ARHGEF10: variants seen among roughly 807,000 people sequenced by gnomAD.
ARHGEF10 encodes the protein Rho guanine nucleotide exchange factor 10, also known as Rho guanine nucleotide exchange factor (GEF) 10.
Under a neutral mutation model 147.4 loss-of-function variants are expected in ARHGEF10, and 140 were observed. The ratio of observed to expected loss-of-function variants is 0.95; its 90% CI spans 0.83 to 1.09. ARHGEF10 has a LOEUF of 1.09. Ranked by LOEUF, ARHGEF10 falls within the 50% of genes least tolerant of loss-of-function variation. ARHGEF10 has a pLI of 0.00. For synonymous variants in ARHGEF10, 902 were observed against 695.8 expected (o/e 1.30, Z -4.67); for missense variants, 2,222 against 1,752.7 (o/e 1.27, Z -4.78).
At chr8:1,885,226 G>C (rs974249084) in intron 10 of ARHGEF10, among the ~76,000 whole-genome samples, 1 of 152,178 alleles carries the variant, frequency 6.6e-6, no homozygotes, top group African/African-American at 2.4e-5. Flanking sequence ...ATTCTTAGCT[G>C]TGTTTCCTTG....
Position 1,875,272 on chromosome 8 carries a change from C to T in ARHGEF10, c.680-1299C>T, listed in dbSNP as rs182331403. ...CCAGGGCGTGTAGGGGGTGGAGGTT[C>T]TAAGACAGGCTGGAGGAACAGTGGA... is the stretch of plus-strand genomic sequence containing the variant. On this transcript the variant is annotated intron_variant, in intron 7 of 28. Coordinates refer to ENST00000349830, the MANE Select transcript of ARHGEF10 (RefSeq NM_014629.4). 6.7e-4 allele frequency among the ~76,000 whole-genome samples: 101 copies of T among 151,804 alleles called. No individual in the cohort carries two copies. The East Asian group carries it at 0.014, about 21-fold the overall frequency.
At position 1,823,974 on chromosome 8, in the gene ARHGEF10, A is replaced by G. The variant is rs1176617329; in HGVS notation, c.-187A>G. 8.5e-6 allele frequency: 1 copy of G among 118,112 alleles called. No individual in the cohort carries two copies. Among genetic ancestry groups the G allele is most frequent in the Non-Finnish European group, 1.7e-5 (1 of 58,250 alleles). The allele number at this position is 118,112 out of a possible 1,614,324, so 7.3% of individuals were successfully genotyped here. A position where few individuals can be genotyped will look rare whatever the true frequency, so the allele number is the denominator to read the frequency against. On this transcript the variant is annotated 5_prime_UTR_variant, in exon 1 of 29. Transcript: ENST00000349830. ...CCGGCGGGCGCGCGATCCGGGACGG[A>G]CGGGGTCGCGGGGGACGCGGGGGAC...
Position 1,909,294 on chromosome 8 carries a change from G to C in ARHGEF10, c.1968-1G>C, listed in dbSNP as rs1554502711. ...AAACAAGGATCTTTTGGTCGTTTCA[G>C]CCCCTCTCATGACAGCCGTGTGATG... On this transcript the variant is annotated splice_acceptor_variant, in intron 17 of 28. Coordinates refer to ENST00000349830, the MANE Select transcript of ARHGEF10 (RefSeq NM_014629.4). LOFTEE classifies it high-confidence loss of function. 6.2e-7 allele frequency: 1 copy of C among 1,614,226 alleles called. No homozygotes were observed. The highest frequency in any genetic ancestry group is 8.5e-7 in the Non-Finnish European group (1 of 1,180,036).
chr8:1,909,198 C>G, intron 17 of ARHGEF10, 97 bp from the exon 18 acceptor site: 5 of 1,496,794 alleles, frequency 3.3e-6, no homozygotes, highest in Non-Finnish European at 4.6e-6. Context: ...TACAATTCAG[C>G]AGTGGGAAGT....
At chr8:1,902,079 C>G (rs1452453149) in intron 15 of ARHGEF10, among the ~76,000 whole-genome samples, 1 of 152,174 alleles carries the variant, frequency 6.6e-6, no homozygotes, top group Admixed American at 6.5e-5. Context: ...GCTGCTGCAC[C>G]TAGCAACCCG....
intron 8 of ARHGEF10, 83 bp from the exon 9 acceptor site, chr8:1,879,965 G>T: frequency 1.0e-6 from 1 of 984,208 alleles, no homozygotes; most frequent in Non-Finnish European, 1.7e-6. Context: ...TGCAGACGCT[G>T]CCAGCATCCT....
chr8:1,955,200 AT>A (rs1157974115), intron 28 of ARHGEF10, among the ~76,000 whole-genome samples: 10 of 135,454 alleles, frequency 7.4e-5, no homozygotes, highest in Middle Eastern at 3.7e-3. Flanking sequence ...GTTTCTCTGG[AT>A]GGGTAGCCAG....
At chr8:1,885,756 A>G in intron 11 of ARHGEF10, 49 bp downstream of exon 11, 1 of 1,399,866 alleles carries the variant, frequency 7.1e-7, no homozygotes, top group Non-Finnish European at 1.0e-6. Flanking sequence ...GAGCTGTGCT[A>G]GTTTTTAAAT....
intron 11 of ARHGEF10, 49 bp from the exon 12 acceptor site, chr8:1,893,520 G>A (rs769484353): frequency 8.3e-7 from 1 of 1,210,190 alleles, no homozygotes; most frequent in East Asian, 2.3e-5. Context: ...ATGTATCTGT[G>A]TGTATTATAA....
chr8:1,933,909 CT>C lies in ARHGEF10; in HGVS notation c.3191del (p.Phe1064SerfsTer10), dbSNP rs1813356366. ...TGTGGGCGGCTTCCGGAGGTCAAGT[CT>C]TCATCATCAGTGTGGAGACTCATGC... Reference protein sequence around the residue: ...TLWAASGGQVFIISVETHAVE... With the variant: ...TLWAASGGQVXIISVETHAVE... On this transcript the variant is annotated frameshift_variant, in exon 26 of 29. Coordinates refer to ENST00000349830, the MANE Select transcript of ARHGEF10 (RefSeq NM_014629.4). LOFTEE classifies it high-confidence loss of function. 1 of 1,614,058 alleles carries C rather than the reference CT, an allele frequency of 6.2e-7. No individual in the cohort carries two copies. Among genetic ancestry groups the C allele is most frequent in the Admixed American group, 1.7e-5 (1 of 60,002 alleles).
rs79547121 is a variant in ARHGEF10 at position 1,924,032 on chromosome 8, C to T, written c.2488+158C>T. Among the ~76,000 whole-genome samples, 5,231 of 152,114 alleles carry T rather than the reference C, an allele frequency of 0.034. 307 individuals are homozygous for T. The highest frequency in any genetic ancestry group is 0.12 in the African/African-American group (4,954 of 41,480). On this transcript the variant is annotated intron_variant, in intron 21 of 28. Coordinates refer to ENST00000349830, the MANE Select transcript of ARHGEF10 (RefSeq NM_014629.4). ...ACAGGAAAATTCACCCTGGCACCGG[C>T]GATTTTTTAGATGTTCATATTAAAA...
At position 1,851,606 on chromosome 8, in the gene ARHGEF10, G is replaced by A. The variant is rs1029320774; in HGVS notation, c.38-6354G>A. Among the ~76,000 whole-genome samples, 5 of 152,288 alleles carry A rather than the reference G, an allele frequency of 3.3e-5. No homozygotes were observed. In the East Asian group the frequency reaches 7.7e-4, roughly 24 times the overall value. ...GAACCTAAAACTGCTCTAAAAAGTT[G>A]TATCTCTTAAAAGCAACCAAACTGG... is the stretch of plus-strand genomic sequence containing the variant. On this transcript the variant is annotated intron_variant, in intron 2 of 28. Transcript: ENST00000349830.
intron 15 of ARHGEF10, among the ~76,000 whole-genome samples, chr8:1,900,561 C>T (rs1585459444): frequency 6.6e-6 from 1 of 152,232 alleles, no homozygotes; most frequent in East Asian, 1.9e-4. Flanking sequence ...TGGAACACTG[C>T]AGACGTGCGC....
At chr8:1,912,540 T>TCTCC (rs1811443671) in intron 18 of ARHGEF10, among the ~76,000 whole-genome samples, 3 of 150,074 alleles carry the variant, frequency 2.0e-5, no homozygotes, top group Admixed American at 2.0e-4. Flanking sequence ...GTGGGTTTGC[T>TCTCC]GTCCGATGTT....
chr8:1,899,124 G>C (rs536293809), intron 15 of ARHGEF10, among the ~76,000 whole-genome samples: 1 of 152,328 alleles, frequency 6.6e-6, no homozygotes, highest in South Asian at 2.1e-4. Flanking sequence ...CAGTAGGCCT[G>C]TTCTGAGTGC....
At chr8:1,949,481 G>C (rs1397552888) in intron 27 of ARHGEF10, among the ~76,000 whole-genome samples, 3 of 152,146 alleles carry the variant, frequency 2.0e-5, no homozygotes, top group Non-Finnish European at 4.4e-5. Context: ...TTTAGGTTGT[G>C]AGCAGTTGCA....
chr8:1,956,709 C>A lies in ARHGEF10; in HGVS notation c.3521-40C>A, dbSNP rs1054409569. ...TTTGCTTCCTTGTCTCAAATTTTGC[C>A]TATTTTAAAAGACAGCTGTTGAACT... On this transcript the variant is annotated intron_variant, in intron 28 of 28. Transcript: ENST00000349830. 2.5e-6 allele frequency: 4 copies of A among 1,613,046 alleles called. No homozygotes were observed. The Admixed American group carries it at 5.0e-5, about 20-fold the overall frequency.
intron 18 of ARHGEF10, among the ~76,000 whole-genome samples, chr8:1,920,945 C>A (rs1402565487): frequency 1.3e-5 from 2 of 152,080 alleles, no homozygotes; most frequent in African/African-American, 2.4e-5. Context: ...CACCATCATG[C>A]CCAGCTAATT....
intron 7 of ARHGEF10, chr8:1,870,418 A>G (rs1178423915): frequency 6.6e-6 from 1 of 152,190 alleles, no homozygotes; most frequent in Non-Finnish European, 1.5e-5. Flanking sequence ...AGACTGCAAA[A>G]TAAGTACAAA....
Sources: allele counts gnomAD v4.1 joint callset (sites outside exome capture counted in the v4.1 genomes callset), GRCh38; gene constraint gnomAD v4.1.1; transcripts MANE v1.5; gene names NCBI Gene and HGNC (gene_info 2026-07-23, HGNC 2026-07-21).